The following GRM8 variants were observed in gnomAD, a reference collection of about 807,000 sequenced individuals.
GRM8 encodes metabotropic glutamate receptor 8.
Under a neutral mutation model 87.2 loss-of-function variants are expected in GRM8, and 47 were observed. The ratio of observed to expected loss-of-function variants is 0.54; its 90% CI spans 0.43 to 0.69. The LOEUF is 0.69. Among genes scored for constraint, GRM8 ranks in the 30% least tolerant of loss-of-function variants. The pLI, the probability that GRM8 is intolerant of heterozygous loss-of-function variation, is 0.00. For synonymous variants in GRM8, 396 were observed against 404.5 expected (o/e 0.98, Z 0.25); for missense variants, 1,019 against 1,139.2 (o/e 0.89, Z 1.52).
intron 2 of GRM8, among the ~76,000 whole-genome samples, chr7:127,142,051 T>C (rs960140833): frequency 9.9e-5 from 15 of 152,106 alleles, no homozygotes; most frequent in African/African-American, 3.6e-4. Context: ...GGTGTGATCA[T>C]AGCTCACTAC....
At chr7:126,620,635 C>T (rs1197388600) in intron 7 of GRM8, among the ~76,000 whole-genome samples, 1 of 152,020 alleles carries the variant, frequency 6.6e-6, no homozygotes, top group Non-Finnish European at 1.5e-5. Context: ...AAGTTACCCT[C>T]CTTAAGCCTG....
At chr7:126,781,415 T>C (rs28538335) in intron 6 of GRM8, among the ~76,000 whole-genome samples, 7,741 of 152,270 alleles carry the variant, frequency 0.051, 640 homozygotes, top group African/African-American at 0.17. Context: ...GGCATCAGAA[T>C]TGTTTTCAAG....
At chr7:127,040,627 C>T (rs1166722812) in intron 3 of GRM8, among the ~76,000 whole-genome samples, 1 of 150,050 alleles carries the variant, frequency 6.7e-6, no homozygotes, top group Non-Finnish European at 1.5e-5. Context: ...AAGAGACTGG[C>T]TACCCAAATT....
chr7:126,645,060 T>G (rs1250447098), intron 7 of GRM8, among the ~76,000 whole-genome samples: 1 of 152,226 alleles, frequency 6.6e-6, no homozygotes, highest in Non-Finnish European at 1.5e-5. Flanking sequence ...ATTTAGTTTA[T>G]AGTTTAACTT....
chr7:127,059,033 G>T (rs1820311028), intron 3 of GRM8, among the ~76,000 whole-genome samples: 1 of 152,142 alleles, frequency 6.6e-6, no homozygotes, highest in Non-Finnish European at 1.5e-5. Context: ...CAATAAGGGA[G>T]ACAAGTGAGC....
intron 3 of GRM8, among the ~76,000 whole-genome samples, chr7:127,016,465 T>G (rs1362471192): frequency 6.6e-6 from 1 of 152,090 alleles, no homozygotes; most frequent in South Asian, 2.1e-4. Flanking sequence ...AAAAATGATA[T>G]AAAATTGGGG....
At chr7:126,491,038 C>A (rs138450857) in intron 9 of GRM8, among the ~76,000 whole-genome samples, 2 of 151,928 alleles carry the variant, frequency 1.3e-5, no homozygotes, top group Non-Finnish European at 2.9e-5. Context: ...AATTGAAAAC[C>A]TTCTATATGA....
chr7:126,939,747 C>T (rs1318090430), intron 3 of GRM8, among the ~76,000 whole-genome samples: 2 of 152,138 alleles, frequency 1.3e-5, no homozygotes, highest in South Asian at 2.1e-4. Flanking sequence ...GCTATTTTTG[C>T]AAGCCTGTTG....
intron 3 of GRM8, among the ~76,000 whole-genome samples, chr7:127,100,230 G>C (rs1587001859): frequency 6.6e-6 from 1 of 152,016 alleles, no homozygotes; most frequent in East Asian, 1.9e-4. Flanking sequence ...TCTTCATGTA[G>C]GAACCCTAGC....
chr7:127,102,989 AGTAGCT>A (rs1188386095), intron 3 of GRM8, among the ~76,000 whole-genome samples: 1 of 152,180 alleles, frequency 6.6e-6, no homozygotes, highest in East Asian at 1.9e-4. Flanking sequence ...CAGCCTCCCA[AGTAGCT>A]GGGACAGCAG....
chr7:126,514,027 A>G (rs1296330890), intron 9 of GRM8, among the ~76,000 whole-genome samples: 3 of 152,124 alleles, frequency 2.0e-5, no homozygotes, highest in Non-Finnish European at 4.4e-5. Flanking sequence ...GCAATCATGC[A>G]TTTGTTCATT....
intron 2 of GRM8, among the ~76,000 whole-genome samples, chr7:127,128,058 C>T (rs1827471821): frequency 6.6e-6 from 1 of 152,064 alleles, no homozygotes; most frequent in Non-Finnish European, 1.5e-5. Flanking sequence ...TCAGCAGGCA[C>T]TCTCATGGCC....
chr7:127,187,373 CTTT>C (rs1794796766), intron 2 of GRM8, among the ~76,000 whole-genome samples: 1 of 151,902 alleles, frequency 6.6e-6, no homozygotes, highest in Admixed American at 6.6e-5. Flanking sequence ...AGAGGATTTA[CTTT>C]TTTAAAGAAT....
chr7:126,652,744 A>G (rs1804050982), intron 7 of GRM8, among the ~76,000 whole-genome samples: 1 of 152,062 alleles, frequency 6.6e-6, no homozygotes, highest in Non-Finnish European at 1.5e-5. Context: ...CTATTGTGGG[A>G]CCTTTGATTG....
chr7:127,190,358 A>T (rs1357966028), intron 2 of GRM8, among the ~76,000 whole-genome samples: 6 of 152,136 alleles, frequency 3.9e-5, no homozygotes, highest in Admixed American at 3.9e-4. Flanking sequence ...AGCCTGACCA[A>T]CATGGTGAAA....
chr7:126,677,747 A>G (rs1272752313), intron 7 of GRM8, among the ~76,000 whole-genome samples: 1 of 152,234 alleles, frequency 6.6e-6, no homozygotes, highest in Non-Finnish European at 1.5e-5. Flanking sequence ...ATTAGGTACA[A>G]CATATACTAT....
rs11563305 is a variant in GRM8, at chr7:127,025,023, C to T, written c.727+81473G>A. 9.1e-4 allele frequency among the ~76,000 whole-genome samples: 139 copies of T among 152,158 alleles called. 1 individual carries two copies. Among genetic ancestry groups the T allele is most frequent in the African/African-American group, 3.2e-3 (133 of 41,532 alleles). On this transcript the variant is annotated intron_variant, in intron 3 of 10. Coordinates refer to ENST00000339582, the MANE Select transcript of GRM8 (RefSeq NM_000845.3). ...CGAGGACATAAACATAAGGCCATTTCCCCTAACAGTGCTATGTCAACTCCC... is the reference window on the plus strand; with the variant it reads ...CGAGGACATAAACATAAGGCCATTTTCCCTAACAGTGCTATGTCAACTCCC...
rs1806438383 is a variant in GRM8, at chr7:126,479,746, AG to A, written c.2431-33375del. On this transcript the variant is annotated intron_variant, in intron 9 of 10. Transcript: ENST00000339582. ...TCGTGGAGATGACAGAGAGATAGAC[AG>A]ACAGACAGACAGACAGACAGACAGA... is the stretch of plus-strand genomic sequence containing the variant. Among the ~76,000 whole-genome samples, 9 of 25,010 alleles carry A rather than the reference AG, an allele frequency of 3.6e-4. No individual in the cohort carries two copies. The South Asian group carries it at 0.017, about 47-fold the overall frequency. The allele number at this position is 25,010 out of a possible 152,430, so 16.4% of individuals were successfully genotyped here. A position where few individuals can be genotyped will look rare whatever the true frequency, so the allele number is the denominator to read the frequency against.
intron 6 of GRM8, among the ~76,000 whole-genome samples, chr7:126,786,412 T>G (rs558679980): frequency 1.3e-5 from 2 of 152,328 alleles, no homozygotes; most frequent in East Asian, 3.9e-4. Flanking sequence ...TCTAAATTCA[T>G]CTTGCTTTCC....
Sources: gnomAD v4.1 joint callset for allele counts (sites outside exome capture counted in the v4.1 genomes callset) on GRCh38, gnomAD v4.1.1 for gene constraint, MANE v1.5 for transcripts, NCBI Gene and HGNC (gene_info 2026-07-23, HGNC 2026-07-21) for gene names.